CAMK1D: variants seen among roughly 807,000 people sequenced by gnomAD.
CAMK1D encodes the protein calcium/calmodulin dependent protein kinase ID.
A neutral mutation model predicts 47.7 loss-of-function variants in CAMK1D; 9 were observed. The observed-to-expected ratio is 0.19, with a 90% CI of 0.11 to 0.33. The LOEUF is 0.33. CAMK1D is among the 10% of genes least tolerant of loss of function. The pLI is 1.00. For synonymous variants in CAMK1D, 184 were observed against 184.9 expected (o/e 0.99, Z 0.04); for missense variants, 291 against 488.7 (o/e 0.60, Z 3.81).
chr10:12,570,153 T>C (rs1837277662), intron 2 of CAMK1D, among the ~76,000 whole-genome samples: 1 of 151,792 alleles, frequency 6.6e-6, no homozygotes, highest in Admixed American at 6.6e-5. Flanking sequence ...TGACCTGAGA[T>C]CGCGCCACTG....
intron 6 of CAMK1D, among the ~76,000 whole-genome samples, chr10:12,813,803 C>T (rs1302895446): frequency 6.6e-6 from 1 of 152,006 alleles, no homozygotes; most frequent in East Asian, 1.9e-4. Flanking sequence ...CTCTGTCACC[C>T]AGGCTAGAGT....
At chr10:12,769,942 A>G in intron 5 of CAMK1D, 143 bp downstream of exon 5, 1 of 872,590 alleles carries the variant, frequency 1.1e-6, no homozygotes, top group Non-Finnish European at 1.8e-6. Flanking sequence ...CCTGGGGGAA[A>G]GAATAAAAAG....
At chr10:12,700,613 A>T (rs186051505) in intron 3 of CAMK1D, among the ~76,000 whole-genome samples, 9 of 152,314 alleles carry the variant, frequency 5.9e-5, no homozygotes, top group African/African-American at 1.7e-4. Context: ...GGCCTGTTTC[A>T]AACAAAATCT....
intron 2 of CAMK1D, among the ~76,000 whole-genome samples, chr10:12,610,993 T>A (rs1393247049): frequency 6.6e-6 from 1 of 152,190 alleles, no homozygotes; most frequent in Admixed American, 6.5e-5. Flanking sequence ...CTAGGCACTC[T>A]TAGGAGTACT....
intron 6 of CAMK1D, among the ~76,000 whole-genome samples, chr10:12,804,760 C>T (rs1838641997): frequency 7.2e-6 from 1 of 138,114 alleles, no homozygotes; most frequent in Non-Finnish European, 1.5e-5. Context: ...ACAGCAAGAC[C>T]CTGTCTGTAC....
intron 3 of CAMK1D, among the ~76,000 whole-genome samples, chr10:12,700,124 C>T (rs913144439): frequency 6.6e-6 from 1 of 152,098 alleles, no homozygotes; most frequent in Non-Finnish European, 1.5e-5. Flanking sequence ...ACAATATAAC[C>T]CACAGCTGAA....
chr10:12,387,854 A>C (rs147571304), intron 1 of CAMK1D, among the ~76,000 whole-genome samples: 37 of 152,194 alleles, frequency 2.4e-4, no homozygotes, highest in Admixed American at 1.0e-3. Flanking sequence ...ATCGGGATGT[A>C]AGTTCTGAAC....
At chr10:12,566,913 C>T (rs1157269129) in intron 2 of CAMK1D, among the ~76,000 whole-genome samples, 2 of 152,180 alleles carry the variant, frequency 1.3e-5, no homozygotes, top group Non-Finnish European at 2.9e-5. Context: ...GGCAGCGATG[C>T]AGTGTTTTTT....
intron 2 of CAMK1D, among the ~76,000 whole-genome samples, chr10:12,607,308 G>A (rs916050158): frequency 3.9e-5 from 6 of 152,068 alleles, no homozygotes; most frequent in Non-Finnish European, 5.9e-5. Context: ...GTCTCATTCT[G>A]TGCATTAGTG....
chr10:12,432,557 G>C (rs2801463), intron 1 of CAMK1D, among the ~76,000 whole-genome samples: 1 of 151,960 alleles, frequency 6.6e-6, no homozygotes, highest in African/African-American at 2.4e-5. Flanking sequence ...ATGAGTTAAT[G>C]TGTGAATGAA....
At chr10:12,521,417 T>A (rs1835412060) in intron 1 of CAMK1D, among the ~76,000 whole-genome samples, 1 of 152,230 alleles carries the variant, frequency 6.6e-6, no homozygotes, top group Non-Finnish European at 1.5e-5. Context: ...ATCTACATAA[T>A]CTGATATTGA....
chr10:12,732,689 C>T (rs938154958), intron 3 of CAMK1D, among the ~76,000 whole-genome samples: 1 of 148,394 alleles, frequency 6.7e-6, no homozygotes, highest in Non-Finnish European at 1.5e-5. Context: ...GCCCCCTGTC[C>T]CTCCCACAAC....
intron 2 of CAMK1D, among the ~76,000 whole-genome samples, chr10:12,595,759 A>G (rs1838130866): frequency 6.6e-6 from 1 of 152,162 alleles, no homozygotes; most frequent in South Asian, 2.1e-4. Context: ...AAATTTTAAA[A>G]ATACCATGAC....
chr10:12,679,748 C>G (rs886125744), intron 3 of CAMK1D, among the ~76,000 whole-genome samples: 5 of 152,142 alleles, frequency 3.3e-5, no homozygotes, highest in Admixed American at 6.6e-5. Flanking sequence ...TGCAGCACCA[C>G]GACGGACTAA....
At chr10:12,506,089 A>G (rs901273074) in intron 1 of CAMK1D, among the ~76,000 whole-genome samples, 6 of 152,122 alleles carry the variant, frequency 3.9e-5, no homozygotes, top group African/African-American at 1.4e-4. Flanking sequence ...ATGCCTGTTC[A>G]GCTTGTTTCC....
rs565638661 is a variant in CAMK1D, at chr10:12,591,487, CTTTGAG to C, written c.224+38135_224+38140del. Reference sequence around the variant, plus strand: ...AAAAGTGTCACACTTCTCTGCCTGCCTTTGAGTTTCTACCAAACACAGGTGACAGTG... The same window carrying C: ...AAAAGTGTCACACTTCTCTGCCTGCCTTTCTACCAAACACAGGTGACAGTG... On this transcript the variant is annotated intron_variant, in intron 2 of 10. Transcript: ENST00000619168. 7.2e-5 allele frequency among the ~76,000 whole-genome samples: 11 copies of C among 152,346 alleles called. No individual in the cohort carries two copies. In the East Asian group the frequency reaches 1.9e-3, roughly 27 times the overall value.
chr10:12,721,179 G>A (rs544625505), intron 3 of CAMK1D, among the ~76,000 whole-genome samples: 1 of 152,206 alleles, frequency 6.6e-6, no homozygotes, highest in Non-Finnish European at 1.5e-5. Context: ...ACAGAATAGC[G>A]TGGCCGTTAG....
At chr10:12,749,457 A>AAG (rs1554820788) in intron 3 of CAMK1D, among the ~76,000 whole-genome samples, 2 of 151,492 alleles carry the variant, frequency 1.3e-5, no homozygotes, top group South Asian at 4.2e-4. Flanking sequence ...AAAAAAAAAA[A>AAG]AAAAAAAGAA....
rs190364178 is a variant in CAMK1D at position 12,768,569 on chromosome 10, C to G, written c.439-1104C>G. 2.4e-4 allele frequency among the ~76,000 whole-genome samples: 37 copies of G among 152,248 alleles called. No homozygotes were observed. In the East Asian group the frequency reaches 6.8e-3, roughly 28 times the overall value. On this transcript the variant is annotated intron_variant, in intron 4 of 10. Transcript: ENST00000619168. The stretch of plus-strand genomic sequence containing the variant: ...TAAATGACAGAAACGATTCCTCATT[C>G]ACTGGGTGAGGATTATCCTGGAGGG...
Sources: gnomAD v4.1 joint callset for allele counts (sites outside exome capture counted in the v4.1 genomes callset) on GRCh38, gnomAD v4.1.1 for gene constraint, MANE v1.5 for transcripts, NCBI Gene and HGNC (gene_info 2026-07-23, HGNC 2026-07-21) for gene names.